CD37: variants seen among roughly 807,000 people sequenced by gnomAD.
CD37 encodes the protein CD37 molecule, also known as leukocyte antigen CD37.
In CD37, 37 loss-of-function variants were observed where a neutral mutation model predicts 38.9. The ratio of observed to expected loss-of-function variants is 0.95; its 90% CI spans 0.73 to 1.25. The LOEUF (loss-of-function observed/expected upper bound fraction) is 1.25. Among genes scored for constraint, CD37 ranks in the 50% most tolerant of loss-of-function variants. The probability of loss-of-function intolerance (pLI) is 0.00; values close to 1 mark genes in which losing one functional copy is unlikely to be tolerated. For missense variants in CD37, 351 were observed against 360.1 expected, an observed-to-expected ratio of 0.97 and a Z score of 0.20; for synonymous variants, 146 against 150.1, an observed-to-expected ratio of 0.97 and a Z score of 0.20.
chr19:49,336,523 A>C (rs577752327), intron 2 of CD37: 64 of 183,996 alleles, frequency 3.5e-4, no homozygotes, highest in Admixed American at 2.2e-3. Flanking sequence ...ACATCACTGC[A>C]CTCCAGCCTG....
rs1971030016 is a variant in CD37 at position 49,338,124 on chromosome 19, C to T, written c.447+95C>T. On this transcript the variant is annotated intron_variant, in intron 5 of 7. Coordinates refer to ENST00000323906, the MANE Select transcript of CD37 (RefSeq NM_001774.3). The surrounding 1 kb of genome is among the most constrained non-coding windows in gnomAD (Gnocchi z 5.0). ...CCCAACGTGGGCCCGACCCCCAGCTCTACGATCCTAACACACCCCAATCCC... is the reference window on the plus strand; with the variant it reads ...CCCAACGTGGGCCCGACCCCCAGCTTTACGATCCTAACACACCCCAATCCC... 6 of 1,519,694 alleles carry T rather than the reference C, an allele frequency of 3.9e-6. No homozygotes were observed. In the Admixed American group the frequency reaches 1.3e-4, roughly 32 times the overall value. The allele number at this position is 1,519,694 out of a possible 1,614,324, so 94.1% of individuals were successfully genotyped here. A position where few individuals can be genotyped will look rare whatever the true frequency, so the allele number is the denominator to read the frequency against.
intron 4 of CD37, 91 bp from the exon 5 acceptor site, chr19:49,337,834 A>T (rs1280711892): frequency 6.3e-7 from 1 of 1,581,562 alleles, no homozygotes; most frequent in East Asian, 2.3e-5. Context: ...TGGCCCAGAG[A>T]TGCACAGGGC....
chr19:49,336,727 A>G, intron 2 of CD37, 182 bp from the exon 3 acceptor site: 1 of 597,886 alleles, frequency 1.7e-6, no homozygotes, highest in Non-Finnish European at 2.9e-6. Flanking sequence ...GGGACGGGAA[A>G]CAGGCCCAGA....
rs1486960711 is a variant in CD37 at position 49,338,333 on chromosome 19, C to T, written c.447+304C>T. 3 of 664,172 alleles carry T rather than the reference C, an allele frequency of 4.5e-6. No individual in the cohort carries two copies. Among genetic ancestry groups the T allele is most frequent in the African/African-American group, 3.7e-5 (2 of 54,600 alleles). The allele number at this position is 664,172 out of a possible 1,614,324, so 41.1% of individuals were successfully genotyped here. On this transcript the variant is annotated intron_variant, in intron 5 of 7. Transcript: ENST00000323906. This position sits in a 1 kb window ranked among gnomAD's most constrained non-coding sequence, Gnocchi z 5.0. ...GACCCTAGCGAGACACGGCTTCCTA[C>T]CCCGTAGTGACTCTGGCTTCCACCG...
At position 49,338,057 on chromosome 19, in the gene CD37, C is replaced by A; in HGVS notation, c.447+28C>A. On this transcript the variant is annotated intron_variant, in intron 5 of 7. Coordinates refer to ENST00000323906, the MANE Select transcript of CD37 (RefSeq NM_001774.3). This position sits in a 1 kb window ranked among gnomAD's most constrained non-coding sequence, Gnocchi z 5.0. ...AAGCCCCCCTCCTCCAGTTCCCTCC[C>A]GGACTGACCCGCCTCAGCCCTGTGC... 1 of 1,608,636 alleles carries A rather than the reference C, an allele frequency of 6.2e-7. No homozygotes were observed. Among genetic ancestry groups the A allele is most frequent in the East Asian group, 2.2e-5 (1 of 44,552 alleles).
intron 2 of CD37, chr19:49,336,688 A>ATCTC: frequency 1.9e-6 from 1 of 517,022 alleles, no homozygotes; most frequent in East Asian, 3.3e-5. Context: ...GAGGAAGGAG[A>ATCTC]GGGTAAGAGG....
At position 49,337,854 on chromosome 19, in the gene CD37, G is replaced by A. The variant is rs914901594; in HGVS notation, c.343-71G>A. On this transcript the variant is annotated intron_variant, in intron 4 of 7. Transcript: ENST00000323906. ...CAGAGATGCACAGGGCCCGCCTGAG[G>A]CTGGCACAGCCTGAGAGGGGGAGGG... 80 of 1,606,198 alleles carry A rather than the reference G, an allele frequency of 5.0e-5. No homozygotes were observed. The East Asian group carries it at 1.7e-3, about 35-fold the overall frequency.
At position 49,337,172 on chromosome 19, in the gene CD37, T is replaced by C; in HGVS notation, c.293T>C (p.Phe98Ser). The change falls in exon 4 of 8, where the codon TTT (phenylalanine) becomes TCT (serine). Residue 98 changes from phenylalanine to serine, a missense_variant. Transcript: ENST00000323906. Reference protein sequence around the residue: ...GLYFGMLLLLFATQITLGILI... With the variant: ...GLYFGMLLLLSATQITLGILI... ...TATTTTGGGATGCTGCTGCTCCTGT[T>C]TGCCACACAGATCACCCTGGGAATC... 6.2e-7 allele frequency: 1 copy of C among 1,614,194 alleles called. No homozygotes were observed.
rs1600687262 is a variant in CD37, at chr19:49,340,524, T to C, written c.*196T>C. 1 of 622,678 alleles carries C rather than the reference T, an allele frequency of 1.6e-6. No homozygotes were observed. 38.6% of individuals were successfully genotyped at this position (622,678 alleles called of 1,614,324 possible). ...CCTGGGGCTTTCGTCCACAGCTTCC[T>C]GTCCCCATCTGTCGGCCTACCACCA... On this transcript the variant is annotated 3_prime_UTR_variant, in exon 8 of 8. Coordinates refer to ENST00000323906, the MANE Select transcript of CD37 (RefSeq NM_001774.3).
chr19:49,339,016 C>A lies in CD37; in HGVS notation c.684+80C>A. ...GGGAGGGCTGTCAGTGAGTAGCGGCCTGAGAAAGGGCGGGGTCTACGAGAA... is the reference window on the plus strand; with the variant it reads ...GGGAGGGCTGTCAGTGAGTAGCGGCATGAGAAAGGGCGGGGTCTACGAGAA... On this transcript the variant is annotated intron_variant, in intron 6 of 7. Coordinates refer to ENST00000323906, the MANE Select transcript of CD37 (RefSeq NM_001774.3). The surrounding 1 kb of genome is among the most constrained non-coding windows in gnomAD (Gnocchi z 4.5). 1.7e-6 allele frequency: 2 copies of A among 1,153,000 alleles called. No individual in the cohort carries two copies. The highest frequency in any genetic ancestry group is 2.6e-6 in the Non-Finnish European group (2 of 781,484). The allele number at this position is 1,153,000 out of a possible 1,614,324, so 71.4% of individuals were successfully genotyped here.
chr19:49,336,690 G>GTGGTCGCC, intron 2 of CD37: 1 of 538,712 alleles, frequency 1.9e-6, no homozygotes, highest in East Asian at 3.2e-5. Flanking sequence ...GGAAGGAGAG[G>GTGGTCGCC]GTAAGAGGAA....
rs1971036172 is a variant in CD37 at position 49,338,251 on chromosome 19, G to A, written c.447+222G>A. The A allele has an allele frequency of 1.5e-6, 2 of 1,351,274 alleles. No individual in the cohort carries two copies. Among genetic ancestry groups the A allele is most frequent in the Non-Finnish European group, 1.9e-6 (2 of 1,029,058 alleles). 83.7% of individuals were successfully genotyped at this position (1,351,274 alleles called of 1,614,324 possible). ...CTGGCGTGGCTTCGCCATCTACCTC[G>A]AGAGACTCCGCCCCCGCCCCCGCCC... On this transcript the variant is annotated intron_variant, in intron 5 of 7. Transcript: ENST00000323906. This position sits in a 1 kb window ranked among gnomAD's most constrained non-coding sequence, Gnocchi z 5.0.
chr19:49,336,118 G>A (rs959100817), intron 2 of CD37: 3 of 364,106 alleles, frequency 8.2e-6, no homozygotes, highest in African/African-American at 6.2e-5. Context: ...ACGTAAAAGA[G>A]CCAAAATAAC....
rs1045508266 is a variant in CD37, at chr19:49,338,631, C to G, written c.448-69C>G. The G allele has an allele frequency of 1.0e-5, 12 of 1,182,002 alleles. No individual in the cohort carries two copies. The highest frequency in any genetic ancestry group is 1.7e-5 in the Admixed American group (1 of 58,768). 73.2% of individuals were successfully genotyped at this position (1,182,002 alleles called of 1,614,324 possible). A position where few individuals can be genotyped will look rare whatever the true frequency, so the allele number is the denominator to read the frequency against. On this transcript the variant is annotated intron_variant, in intron 5 of 7. Coordinates refer to ENST00000323906, the MANE Select transcript of CD37 (RefSeq NM_001774.3). The surrounding 1 kb of genome is among the most constrained non-coding windows in gnomAD (Gnocchi z 5.0). ...CCCCGACCTGACCTCATACCCATCACCTTGTCCCCTGATCCCCAACATCAT... is the reference window on the plus strand; with the variant it reads ...CCCCGACCTGACCTCATACCCATCAGCTTGTCCCCTGATCCCCAACATCAT...
At position 49,335,908 on chromosome 19, in the gene CD37, C is replaced by A; in HGVS notation, c.142+122C>A. The A allele has an allele frequency of 2.6e-6, 2 of 781,898 alleles. No homozygotes were observed. The highest frequency in any genetic ancestry group is 3.0e-5 in the South Asian group (2 of 67,704). The allele number at this position is 781,898 out of a possible 1,614,324, so 48.4% of individuals were successfully genotyped here. The stretch of plus-strand genomic sequence containing the variant: ...CAGGCAGGCTACAGGCTCCCATCCA[C>A]TGCTCACCGGAGGCTTCTTGGAGCC... On this transcript the variant is annotated intron_variant, in intron 2 of 7. Transcript: ENST00000323906. The surrounding 1 kb of genome is among the most constrained non-coding windows in gnomAD (Gnocchi z 4.6).
chr19:49,339,594 G>T lies in CD37; in HGVS notation c.768+181G>T. The T allele has an allele frequency of 6.9e-7, 1 of 1,447,740 alleles. No homozygotes were observed. 89.7% of individuals were successfully genotyped at this position (1,447,740 alleles called of 1,614,324 possible). On this transcript the variant is annotated intron_variant, in intron 7 of 7. Coordinates refer to ENST00000323906, the MANE Select transcript of CD37 (RefSeq NM_001774.3). The surrounding 1 kb of genome is among the most constrained non-coding windows in gnomAD (Gnocchi z 4.5). The stretch of plus-strand genomic sequence containing the variant: ...GGGCGGCCCAGCTTCAGGGAGCCCT[G>T]ATTGGGTGTACGCAGGGAAAGCCTC...
In CD37 at chr19:49,337,238, G is replaced by A. The variant is rs1375487522; in HGVS notation, c.342+17G>A. 6.2e-7 allele frequency: 1 copy of A among 1,611,292 alleles called. No homozygotes were observed. The highest frequency in any genetic ancestry group is 1.1e-5 in the South Asian group (1 of 91,024). On this transcript the variant is annotated intron_variant, in intron 4 of 7. Transcript: ENST00000323906. ...CGGGCCCAGGTGAGCTTCCTGCAGT[G>A]GCCACCACCCACCCCCAGCAGGGAG...
At chr19:49,340,223 T>C in intron 7 of CD37, 28 bp from the exon 8 acceptor site, 2 of 1,600,728 alleles carry the variant, frequency 1.2e-6, no homozygotes, top group Non-Finnish European at 1.7e-6. Flanking sequence ...CCCTTCGACT[T>C]CTCTGACCTC....
At position 49,337,273 on chromosome 19, in the gene CD37, G is replaced by C. The variant is rs1459826510; in HGVS notation, c.342+52G>C. ...CACCCCCAGCAGGGAGGAGAGGGAA[G>C]GGAGTGGTGGGAGAGGGTGGAGAGA... is the stretch of plus-strand genomic sequence containing the variant. On this transcript the variant is annotated intron_variant, in intron 4 of 7. Coordinates refer to ENST00000323906, the MANE Select transcript of CD37 (RefSeq NM_001774.3). 15 of 1,536,222 alleles carry C rather than the reference G, an allele frequency of 9.8e-6. No individual in the cohort carries two copies. In the Admixed American group the frequency reaches 1.3e-4, roughly 14 times the overall value.
Sources: allele counts gnomAD v4.1 joint callset, GRCh38; gene constraint gnomAD v4.1.1; non-coding constraint Gnocchi (gnomAD v3.1); transcripts MANE v1.5; gene names NCBI Gene and HGNC (gene_info 2026-07-23, HGNC 2026-07-21).